The following CC2D2A variants were observed in gnomAD, a reference collection of about 807,000 sequenced individuals.
CC2D2A encodes the protein coiled-coil and C2 domain-containing protein 2A.
CC2D2A carries 155 observed loss-of-function variants against 212.9 expected under a neutral mutation model. That is an observed-to-expected ratio of 0.73 (90% CI 0.64 to 0.83). The LOEUF (loss-of-function observed/expected upper bound fraction) is 0.83. Ranked by LOEUF, CC2D2A falls within the 40% of genes least tolerant of loss-of-function variation. The probability of loss-of-function intolerance (pLI) is 0.00; values close to 1 mark genes in which losing one functional copy is unlikely to be tolerated. For missense variants in CC2D2A, 1,856 were observed against 1,956.2 expected, an observed-to-expected ratio of 0.95 and a Z score of 0.97; for synonymous variants, 667 against 686.5, an observed-to-expected ratio of 0.97 and a Z score of 0.44.
intron 11 of CC2D2A, among the ~76,000 whole-genome samples, chr4:15,523,917 G>A (rs1717351094): frequency 6.6e-6 from 1 of 152,110 alleles, no homozygotes; most frequent in South Asian, 2.1e-4. Context: ...TCTAGTCAGT[G>A]GCAAGTGGAT....
At chr4:15,539,893 T>C (rs929442342) in intron 16 of CC2D2A, among the ~76,000 whole-genome samples, 1 of 152,192 alleles carries the variant, frequency 6.6e-6, no homozygotes, top group Non-Finnish European at 1.5e-5. Context: ...TCATCTAGAA[T>C]AAGTCTAAAT....
At chr4:15,548,178 T>G (rs1414117820) in intron 17 of CC2D2A, among the ~76,000 whole-genome samples, 5 of 151,690 alleles carry the variant, frequency 3.3e-5, no homozygotes, top group African/African-American at 1.2e-4. Context: ...TAAAAAAATC[T>G]GATAAATATC....
intron 1 of CC2D2A, among the ~76,000 whole-genome samples, chr4:15,472,528 G>C (rs895488339): frequency 3.3e-5 from 5 of 151,896 alleles, no homozygotes; most frequent in African/African-American, 1.2e-4. Context: ...GATCAGGAAA[G>C]AATGAGGAAA....
intron 4 of CC2D2A, among the ~76,000 whole-genome samples, chr4:15,500,097 G>GTATACATATATA (rs1487111003): frequency 1.9e-5 from 1 of 53,018 alleles, no homozygotes; most frequent in African/African-American, 5.6e-5. Context: ...GTGTGTGTGT[G>GTATACATATATA]TGTGTGTGTG....
intron 21 of CC2D2A, among the ~76,000 whole-genome samples, chr4:15,558,361 T>C (rs531525718): frequency 3.7e-4 from 57 of 152,258 alleles, no homozygotes; most frequent in Non-Finnish European, 6.9e-4. Flanking sequence ...TGAACTACCT[T>C]AGGCACCAAG....
chr4:15,588,016 A>C (rs1340543172), intron 32 of CC2D2A, 87 bp downstream of exon 32: 3 of 691,658 alleles, frequency 4.3e-6, no homozygotes, highest in Non-Finnish European at 7.2e-6. Context: ...ACATATTTTC[A>C]TAACGATCCT....
chr4:15,573,636 T>C (rs1031081987), intron 28 of CC2D2A, among the ~76,000 whole-genome samples: 1 of 152,228 alleles, frequency 6.6e-6, no homozygotes, highest in Middle Eastern at 3.2e-3. Flanking sequence ...TTAGATAACA[T>C]TTGATCTAAG....
intron 8 of CC2D2A, among the ~76,000 whole-genome samples, chr4:15,513,201 A>G (rs892144098): frequency 6.6e-6 from 1 of 152,202 alleles, no homozygotes; most frequent in Non-Finnish European, 1.5e-5. Flanking sequence ...AGGCCATTCA[A>G]CATTGCTTGA....
chr4:15,567,455 C>T lies in CC2D2A; in HGVS notation c.3261C>T (p.Thr1087=), dbSNP rs1719936489. The T allele has an allele frequency of 1.2e-6, 2 of 1,613,470 alleles. No homozygotes were observed. The highest frequency in any genetic ancestry group is 1.7e-6 in the Non-Finnish European group (2 of 1,179,714). Residue 1087 remains threonine (T), a synonymous_variant, in exon 25 of 37, where the codon ACC becomes ACT. Transcript: ENST00000424120. ...CTTCCCCAAGCACGTACAGCCCAAC[C>T]CACAATGCTGACTACCCCCTCGGCC... The part of the protein sequence containing the change: ...HAASPSTYSP[T]HNADYPLGQV...
In CC2D2A at chr4:15,574,222, G is replaced by A. The variant is rs1272123067; in HGVS notation, c.3667G>A (p.Glu1223Lys). 3.9e-6 allele frequency: 6 copies of A among 1,551,348 alleles called. No individual in the cohort carries two copies. Among genetic ancestry groups the A allele is most frequent in the South Asian group, 3.6e-5 (3 of 84,046 alleles). ...GYSKERNMIL[E>K]RGFDSVRSLS... ...CAGTAAGGAGCGAAATATGATTCTT[G>A]AGCGGGGTTTTGATTCTGTCCGAAG... Residue 1223 changes from glutamate (E) to lysine (K), a missense_variant, in exon 29 of 37, where the codon GAG (glutamate) becomes AAG (lysine). Transcript: ENST00000424120.
intron 4 of CC2D2A, among the ~76,000 whole-genome samples, chr4:15,499,198 T>C (rs1371621250): frequency 6.6e-6 from 1 of 152,214 alleles, no homozygotes; most frequent in Non-Finnish European, 1.5e-5. Context: ...TGTGTCATTA[T>C]AAGCTTTATC....
chr4:15,516,536 C>A (rs1381419798), intron 10 of CC2D2A, 89 bp from the exon 11 acceptor site: 4 of 1,307,346 alleles, frequency 3.1e-6, no homozygotes, highest in Admixed American at 2.4e-5. Flanking sequence ...TATGTTGACA[C>A]AGAATTTTCA....
intron 4 of CC2D2A, among the ~76,000 whole-genome samples, chr4:15,493,698 T>A (rs941810604): frequency 5.3e-5 from 8 of 152,222 alleles, no homozygotes; most frequent in Admixed American, 5.2e-4. Flanking sequence ...TTGTGGTCTA[T>A]CTCCCCCACT....
At chr4:15,497,092 C>A (rs1715659317) in intron 4 of CC2D2A, among the ~76,000 whole-genome samples, 1 of 152,068 alleles carries the variant, frequency 6.6e-6, no homozygotes, top group East Asian at 1.9e-4. Flanking sequence ...CAAAAATGAG[C>A]CCAAATAGCC....
intron 17 of CC2D2A, among the ~76,000 whole-genome samples, chr4:15,547,781 T>C (rs928516398): frequency 2.0e-5 from 3 of 152,196 alleles, no homozygotes; most frequent in Non-Finnish European, 4.4e-5. Context: ...TGGCTCACCC[T>C]GTAATCCCAG....
intron 11 of CC2D2A, chr4:15,519,473 A>C: frequency 2.2e-6 from 1 of 445,008 alleles, no homozygotes; most frequent in South Asian, 1.6e-5. Flanking sequence ...CCAGTTCCAA[A>C]GTTGCTTCCA....
intron 11 of CC2D2A, among the ~76,000 whole-genome samples, chr4:15,521,527 CCAAA>C (rs1717203247): frequency 6.6e-6 from 1 of 152,132 alleles, no homozygotes; most frequent in Non-Finnish European, 1.5e-5. Flanking sequence ...AGTCTTACTT[CCAAA>C]CAGACTTTCC....
chr4:15,479,397 C>G (rs975623406), intron 3 of CC2D2A: 3 of 1,225,496 alleles, frequency 2.4e-6, no homozygotes, highest in African/African-American at 3.0e-5. Context: ...GATGGGAGCT[C>G]TGCTTGGAAC....
At chr4:15,505,771 T>G (rs1560154654) in intron 6 of CC2D2A, among the ~76,000 whole-genome samples, 1 of 152,164 alleles carries the variant, frequency 6.6e-6, no homozygotes, top group Non-Finnish European at 1.5e-5. Flanking sequence ...AGGAAACCAT[T>G]GAACAAGGTA....
Sources: gnomAD v4.1 joint callset for allele counts (sites outside exome capture counted in the v4.1 genomes callset) on GRCh38, gnomAD v4.1.1 for gene constraint, MANE v1.5 for transcripts, NCBI Gene and HGNC (gene_info 2026-07-23, HGNC 2026-07-21) for gene names.